EPC1: variants seen among roughly 807,000 people sequenced by gnomAD.
EPC1 encodes enhancer of polycomb homolog 1.
Under a neutral mutation model 98.4 loss-of-function variants are expected in EPC1, and 12 were observed. That is an observed-to-expected ratio of 0.12 (90% CI 0.08 to 0.20). The LOEUF is 0.20. EPC1 is among the 10% of genes least tolerant of loss of function. The pLI, the probability that EPC1 is intolerant of heterozygous loss-of-function variation, is 1.00. For missense variants in EPC1, 729 were observed against 990.5 expected, an observed-to-expected ratio of 0.74 and a Z score of 3.54; for synonymous variants, 357 against 363.9, an observed-to-expected ratio of 0.98 and a Z score of 0.21.
intron 6 of EPC1, among the ~76,000 whole-genome samples, chr10:32,288,401 G>A (rs911875914): frequency 8.4e-5 from 12 of 143,274 alleles, no homozygotes; most frequent in African/African-American, 1.6e-4. Flanking sequence ...TGCAATCTCC[G>A]CCTCCCAGGT....
chr10:32,304,715 T>A (rs992494979), intron 2 of EPC1, among the ~76,000 whole-genome samples: 1 of 151,870 alleles, frequency 6.6e-6, no homozygotes, highest in Non-Finnish European at 1.5e-5. Context: ...AGGACAGGTG[T>A]TTGAGACCAG....
intron 1 of EPC1, among the ~76,000 whole-genome samples, chr10:32,326,148 C>A (rs911754048): frequency 2.0e-5 from 3 of 152,156 alleles, no homozygotes; most frequent in Non-Finnish European, 4.4e-5. Flanking sequence ...ATCCCTACTT[C>A]CTTATCCTTC....
Position 32,347,063 on chromosome 10 carries a change from A to G in EPC1, c.-148T>C. 1 of 1,458,168 alleles carries G rather than the reference A, an allele frequency of 6.9e-7. No individual in the cohort carries two copies. The highest frequency in any genetic ancestry group is 9.0e-7 in the Non-Finnish European group (1 of 1,111,238). 90.3% of individuals were successfully genotyped at this position (1,458,168 alleles called of 1,614,324 possible). A position where few individuals can be genotyped will look rare whatever the true frequency, so the allele number is the denominator to read the frequency against. ...AGCCCGCCGTCCGGGCACTAACACCAGCCGGGAGGGTGGGAGGCTGTGCCG... is the reference window on the plus strand; with the variant it reads ...AGCCCGCCGTCCGGGCACTAACACCGGCCGGGAGGGTGGGAGGCTGTGCCG... On this transcript the variant is annotated 5_prime_UTR_variant, in exon 1 of 14. Coordinates refer to ENST00000319778, the MANE Select transcript of EPC1 (RefSeq NM_001272004.3).
chr10:32,268,975 G>T lies in EPC1; in HGVS notation c.*88C>A. The T allele has an allele frequency of 2.7e-6, 3 of 1,112,446 alleles. No homozygotes were observed. Among genetic ancestry groups the T allele is most frequent in the Non-Finnish European group, 2.7e-6 (2 of 739,102 alleles). 68.9% of individuals were successfully genotyped at this position (1,112,446 alleles called of 1,614,324 possible). A position where few individuals can be genotyped will look rare whatever the true frequency, so the allele number is the denominator to read the frequency against. Reference sequence around the variant, plus strand: ...CCACAGCTGCCACAGAAACGCATGTGCTGCTTTCCATCATCCCTTGCATTC... The same window carrying T: ...CCACAGCTGCCACAGAAACGCATGTTCTGCTTTCCATCATCCCTTGCATTC... On this transcript the variant is annotated 3_prime_UTR_variant, in exon 14 of 14. Coordinates refer to ENST00000319778, the MANE Select transcript of EPC1 (RefSeq NM_001272004.3).
chr10:32,303,030 G>A (rs758451623), intron 2 of EPC1, among the ~76,000 whole-genome samples: 4 of 152,052 alleles, frequency 2.6e-5, no homozygotes, highest in Non-Finnish European at 5.9e-5. Context: ...CTGGCTGGGC[G>A]CAGTGGCTCA....
At chr10:32,334,385 T>C (rs941917977) in intron 1 of EPC1, among the ~76,000 whole-genome samples, 1 of 151,958 alleles carries the variant, frequency 6.6e-6, no homozygotes, top group Non-Finnish European at 1.5e-5. Context: ...GTCCCAACTG[T>C]ACCTGAATCT....
At chr10:32,351,905 A>AT (rs565894598), upstream of EPC1, among the ~76,000 whole-genome samples, 157 of 132,398 alleles carry the variant, frequency 1.2e-3, no homozygotes, top group Middle Eastern at 5.5e-3. Context: ...TAATTTTTGT[A>AT]TTTTTTTTAG....
intron 10 of EPC1, 120 bp downstream of exon 10, chr10:32,284,578 T>C (rs78976761): frequency 1.3e-6 from 1 of 781,848 alleles, no homozygotes; most frequent in Non-Finnish European, 2.0e-6. Context: ...ATTTTTTTTT[T>C]AACTGTTTAA....
intron 1 of EPC1, among the ~76,000 whole-genome samples, chr10:32,326,984 T>C (rs1362266203): frequency 2.7e-5 from 3 of 110,432 alleles, no homozygotes; most frequent in Non-Finnish European, 5.2e-5. Flanking sequence ...GAAAACAGCA[T>C]GGAGAGGGTC....
At chr10:32,275,530 G>T (rs1836037260) in intron 10 of EPC1, among the ~76,000 whole-genome samples, 1 of 152,100 alleles carries the variant, frequency 6.6e-6, no homozygotes, top group Non-Finnish European at 1.5e-5. Flanking sequence ...ACTCTGGGAG[G>T]CCGAGGTGGG....
Position 32,293,042 on chromosome 10 carries a change from T to C in EPC1, c.612A>G (p.Thr204=). The change falls in exon 4 of 14, where the codon ACA becomes ACG. Residue 204 remains threonine, a synonymous_variant. Transcript: ENST00000319778. The part of the protein sequence containing the change: ...VKQEKRDGSS[T]NDPYVAFRRR... ...TTCTAAAAGCCACATAAGGATCATT[T>C]GTGCTGGAACCATCTCGCTTCTCTT... The C allele has an allele frequency of 1.2e-6, 2 of 1,612,138 alleles. No homozygotes were observed. Among genetic ancestry groups the C allele is most frequent in the Non-Finnish European group, 1.7e-6 (2 of 1,179,096 alleles).
intron 1 of EPC1, among the ~76,000 whole-genome samples, chr10:32,315,307 C>T (rs1250422786): frequency 6.6e-6 from 1 of 152,084 alleles, no homozygotes; most frequent in East Asian, 1.9e-4. Context: ...TCTACTTGCT[C>T]TATAATAAAT....
chr10:32,281,221 A>C (rs560387744), intron 10 of EPC1, among the ~76,000 whole-genome samples: 34 of 152,224 alleles, frequency 2.2e-4, no homozygotes, highest in African/African-American at 7.9e-4. Context: ...TTTTAATAGA[A>C]ACGTGTTTTG....
At chr10:32,351,718 ATTAT>A (rs61371961), upstream of EPC1, among the ~76,000 whole-genome samples, 29 of 151,000 alleles carry the variant, frequency 1.9e-4, no homozygotes, top group African/African-American at 5.4e-4. Flanking sequence ...CATTCTTTTG[ATTAT>A]TTATTTATTT....
chr10:32,370,946 G>A (rs1443288459), intron 1 of EPC1, among the ~76,000 whole-genome samples: 1 of 152,160 alleles, frequency 6.6e-6, no homozygotes, highest in Non-Finnish European at 1.5e-5. Context: ...CAAACTCATT[G>A]CTTATGCCTC....
At chr10:32,373,449 T>A (rs973111546) in intron 1 of EPC1, among the ~76,000 whole-genome samples, 2 of 152,216 alleles carry the variant, frequency 1.3e-5, no homozygotes, top group African/African-American at 4.8e-5. Context: ...CATAAAGCAA[T>A]TAAGTGCTAA....
At chr10:32,317,527 A>T (rs1836627227) in intron 1 of EPC1, among the ~76,000 whole-genome samples, 1 of 152,086 alleles carries the variant, frequency 6.6e-6, no homozygotes, top group Non-Finnish European at 1.5e-5. Context: ...CTGTAATCCC[A>T]ACTACTTGGG....
chr10:32,307,823 C>A (rs1835962290), intron 1 of EPC1, among the ~76,000 whole-genome samples: 2 of 152,178 alleles, frequency 1.3e-5, no homozygotes, highest in Non-Finnish European at 2.9e-5. Flanking sequence ...AGCACACACA[C>A]CAAACTCAAG....
intron 12 of EPC1, 33 bp from the exon 13 acceptor site, chr10:32,271,950 T>G (rs752170232): frequency 1.2e-6 from 2 of 1,602,806 alleles, no homozygotes; most frequent in Non-Finnish European, 1.7e-6. Context: ...ATCTAAACAA[T>G]GTACAACTTT....
Sources: allele counts gnomAD v4.1 joint callset (sites outside exome capture counted in the v4.1 genomes callset), GRCh38; gene constraint gnomAD v4.1.1; transcripts MANE v1.5; gene names NCBI Gene and HGNC (gene_info 2026-07-23, HGNC 2026-07-21).